CUL5: variants seen among roughly 807,000 people sequenced by gnomAD.
CUL5 encodes the protein cullin 5, also known as cullin-5.
Under a neutral mutation model 108.8 loss-of-function variants are expected in CUL5, and 26 were observed. The observed-to-expected ratio is 0.24, with a 90% confidence interval of 0.18 to 0.33. The LOEUF (loss-of-function observed/expected upper bound fraction) is 0.33. Ranked by LOEUF, CUL5 falls within the 10% of genes least tolerant of loss-of-function variation. CUL5 has a pLI of 1.00. For missense variants in CUL5, 524 were observed against 909.2 expected (o/e 0.58, Z 5.45); for synonymous variants, 334 against 298.0 (o/e 1.12, Z -1.25).
chr11:108,094,314 T>C lies in CUL5; in HGVS notation c.1444-77T>C, dbSNP rs1302296001. ...GTATTAAAACATTTAAGACTTAGTT[T>C]TTCTATTAAAATTTTTCCCAGTAAT... On this transcript the variant is annotated intron_variant, in intron 13 of 18. Transcript: ENST00000393094. 4 of 1,086,700 alleles carry C rather than the reference T, an allele frequency of 3.7e-6. No homozygotes were observed. The Admixed American group carries it at 1.1e-4, about 29-fold the overall frequency. The allele number at this position is 1,086,700 out of a possible 1,614,324, so 67.3% of individuals were successfully genotyped here.
At position 108,065,446 on chromosome 11, in the gene CUL5, C is replaced by T. The variant is rs117441851; in HGVS notation, c.781-4650C>T. On this transcript the variant is annotated intron_variant, in intron 7 of 18. Transcript: ENST00000393094. ...CCCCAGAGTACTTTAGCTTATAGTG[C>T]GAGGCTTGCTAGAACTCAAGTCCTT... is the stretch of plus-strand genomic sequence containing the variant. Among the ~76,000 whole-genome samples, 169 of 152,234 alleles carry T rather than the reference C, an allele frequency of 1.1e-3. 2 individuals are homozygous for T. The East Asian group carries it at 0.025, about 22-fold the overall frequency.
intron 1 of CUL5, among the ~76,000 whole-genome samples, chr11:108,032,432 C>T (rs747145971): frequency 3.9e-5 from 6 of 152,096 alleles, no homozygotes; most frequent in Non-Finnish European, 7.4e-5. Context: ...TGCTTGAGCC[C>T]AGGGGATCAA....
In CUL5 at chr11:108,104,393, A is replaced by G. The variant is rs540731206; in HGVS notation, c.*9A>G. On this transcript the variant is annotated 3_prime_UTR_variant, in exon 19 of 19. Coordinates refer to ENST00000393094, the MANE Select transcript of CUL5 (RefSeq NM_003478.6). ...TCATATATATGGCATAATTTTGAATATCATGGACAATATTTAGAACCCAAA... is the reference window on the plus strand; with the variant it reads ...TCATATATATGGCATAATTTTGAATGTCATGGACAATATTTAGAACCCAAA... 4 of 1,486,972 alleles carry G rather than the reference A, an allele frequency of 2.7e-6. No individual in the cohort carries two copies. The highest frequency in any genetic ancestry group is 3.6e-6 in the Non-Finnish European group (4 of 1,119,058). 92.1% of individuals were successfully genotyped at this position (1,486,972 alleles called of 1,614,324 possible).
intron 2 of CUL5, among the ~76,000 whole-genome samples, chr11:108,043,331 C>G (rs1353001089): frequency 6.6e-6 from 1 of 152,174 alleles, no homozygotes. Context: ...GCCTTGGCCT[C>G]CAAGAGTGCT....
At chr11:108,072,862 A>G (rs1312728612) in intron 9 of CUL5, among the ~76,000 whole-genome samples, 1 of 152,214 alleles carries the variant, frequency 6.6e-6, no homozygotes, top group Non-Finnish European at 1.5e-5. Context: ...ATTTTTAAAA[A>G]TACAGAATTG....
intron 8 of CUL5, among the ~76,000 whole-genome samples, chr11:108,071,749 G>A (rs1467613122): frequency 6.6e-6 from 1 of 151,634 alleles, no homozygotes; most frequent in Non-Finnish European, 1.5e-5. Context: ...GATGGGTTTT[G>A]CCATGTTGCC....
chr11:108,098,343 TG>T, intron 17 of CUL5, 62 bp from the exon 18 acceptor site: 1 of 1,403,498 alleles, frequency 7.1e-7, no homozygotes, highest in Non-Finnish European at 9.8e-7. Flanking sequence ...CAGACATTGT[TG>T]CTATAATAGG....
intron 11 of CUL5, among the ~76,000 whole-genome samples, chr11:108,087,693 G>A (rs1038920728): frequency 6.6e-6 from 1 of 152,138 alleles, no homozygotes; most frequent in Admixed American, 6.5e-5. Flanking sequence ...CAGGTGCGGT[G>A]GCCCACGCGT....
intron 1 of CUL5, among the ~76,000 whole-genome samples, chr11:108,030,970 C>G (rs986095352): frequency 6.6e-6 from 1 of 152,108 alleles, no homozygotes; most frequent in Admixed American, 6.6e-5. Flanking sequence ...TGTTGACAAA[C>G]TGTTTCAGTG....
chr11:108,096,591 T>C (rs996589877), intron 16 of CUL5, among the ~76,000 whole-genome samples: 1 of 87,666 alleles, frequency 1.1e-5, no homozygotes, highest in Non-Finnish European at 2.3e-5. Context: ...TTTTTTTTTT[T>C]GAGACACTCT....
chr11:108,071,111 A>G (rs1242917605), intron 8 of CUL5, among the ~76,000 whole-genome samples: 5 of 152,206 alleles, frequency 3.3e-5, no homozygotes, highest in Non-Finnish European at 5.9e-5. Context: ...ATACAGTTTT[A>G]TATTCTAATC....
intron 7 of CUL5, among the ~76,000 whole-genome samples, chr11:108,060,751 C>A (rs1027674407): frequency 1.3e-5 from 2 of 151,840 alleles, no homozygotes; most frequent in Non-Finnish European, 2.9e-5. Context: ...GCAGGAGAAT[C>A]GCTTGAACCC....
intron 2 of CUL5, among the ~76,000 whole-genome samples, chr11:108,040,450 A>G (rs1862867172): frequency 6.6e-6 from 1 of 152,018 alleles, no homozygotes; most frequent in African/African-American, 2.4e-5. Context: ...TGTCTTTACT[A>G]AAAATACAAA....
intron 7 of CUL5, among the ~76,000 whole-genome samples, chr11:108,063,614 T>C (rs1863600687): frequency 6.8e-6 from 1 of 147,532 alleles, no homozygotes; most frequent in South Asian, 2.1e-4. Flanking sequence ...ATTTAAAGTA[T>C]AATGATAATA....
chr11:108,090,852 T>G (rs960289266), intron 13 of CUL5, among the ~76,000 whole-genome samples: 7 of 152,088 alleles, frequency 4.6e-5, no homozygotes, highest in African/African-American at 1.7e-4. Context: ...CATGGAACTT[T>G]AGGATAGTAA....
chr11:108,047,936 CA>C (rs986183464), intron 3 of CUL5, among the ~76,000 whole-genome samples: 2 of 150,978 alleles, frequency 1.3e-5, no homozygotes, highest in Non-Finnish European at 3.0e-5. Flanking sequence ...TGAACACTGG[CA>C]AAAAAAAGTA....
chr11:108,052,549 A>T, intron 4 of CUL5, 111 bp from the exon 5 acceptor site: 1 of 972,356 alleles, frequency 1.0e-6, no homozygotes, highest in Non-Finnish European at 1.5e-6. Context: ...GGCGTGAGCC[A>T]CTGCACCTGG....
At position 108,104,284 on chromosome 11, in the gene CUL5, C is replaced by A; in HGVS notation, c.2243C>A (p.Pro748Gln). ...GAAATTTTGAAAAACATGTTCTTGC[C>A]ACAAAAGAAAATGATAAAAGAGCAA... ...LVEILKNMFL[P>Q]QKKMIKEQIE... The change falls in exon 19 of 19, where the codon CCA becomes CAA. Residue 748 changes from proline to glutamine, a missense_variant. This residue lies in a region of CUL5 where 22 missense variants were observed against 70.5 expected (regional missense o/e 0.31). Coordinates refer to ENST00000393094, the MANE Select transcript of CUL5 (RefSeq NM_003478.6). 6.2e-7 allele frequency: 1 copy of A among 1,609,834 alleles called. No homozygotes were observed. Among genetic ancestry groups the A allele is most frequent in the South Asian group, 1.1e-5 (1 of 89,980 alleles).
chr11:108,014,386 A>G (rs899629492), intron 1 of CUL5, among the ~76,000 whole-genome samples: 2 of 152,126 alleles, frequency 1.3e-5, no homozygotes, highest in Non-Finnish European at 2.9e-5. Context: ...AACAAGAGGG[A>G]TAGGAGTGAA....
Sources: allele counts gnomAD v4.1 joint callset (sites outside exome capture counted in the v4.1 genomes callset), GRCh38; gene constraint gnomAD v4.1.1; regional missense constraint gnomAD v4.1.1; transcripts MANE v1.5; gene names NCBI Gene and HGNC (gene_info 2026-07-23, HGNC 2026-07-21).